RFX2: variants seen among roughly 807,000 people sequenced by gnomAD.
The protein encoded by RFX2 is DNA-binding protein RFX2.
RFX2 carries 20 observed loss-of-function variants against 87.8 expected under a neutral mutation model. That is an observed-to-expected ratio of 0.23 (90% CI 0.16 to 0.33). RFX2 has a LOEUF of 0.33. Ranked by LOEUF, RFX2 falls within the 10% of genes least tolerant of loss-of-function variation. The probability of loss-of-function intolerance (pLI) is 1.00; values close to 1 mark genes in which losing one functional copy is unlikely to be tolerated. For missense variants in RFX2, 767 were observed against 1,012.3 expected (o/e 0.76, Z 3.29); for synonymous variants, 397 against 431.3 (o/e 0.92, Z 0.98).
chr19:6,070,173 G>A (rs1299240473), intron 1 of RFX2, among the ~76,000 whole-genome samples: 1 of 50 alleles, frequency 0.02, no homozygotes, highest in Non-Finnish European at 0.062. Flanking sequence ...GGATGTGAAT[G>A]GGATGGGATG....
At chr19:6,109,756 G>T (rs2088275970) in intron 1 of RFX2, among the ~76,000 whole-genome samples, 1 of 151,852 alleles carries the variant, frequency 6.6e-6, no homozygotes. Context: ...TAAAAGAGGG[G>T]TCCCCGGGTG....
chr19:6,082,696 G>A (rs2087802601), intron 1 of RFX2, among the ~76,000 whole-genome samples: 1 of 152,174 alleles, frequency 6.6e-6, no homozygotes, highest in African/African-American at 2.4e-5. Context: ...GCCTCCCAAA[G>A]TGTTGGGATT....
rs1041175520 is a variant in RFX2, at chr19:6,017,887, C to T, written c.598-1616G>A. Among the ~76,000 whole-genome samples, 2 of 144,880 alleles carry T rather than the reference C, an allele frequency of 1.4e-5. No homozygotes were observed. Among genetic ancestry groups the T allele is most frequent in the African/African-American group, 5.0e-5 (2 of 40,204 alleles). Reference sequence around the variant, plus strand: ...GCGTACCCATGGCACCCCCCCGCCCCACTGTCACGTTTGCCTGTCTGTTTG... The same window carrying T: ...GCGTACCCATGGCACCCCCCCGCCCTACTGTCACGTTTGCCTGTCTGTTTG... On this transcript the variant is annotated intron_variant, in intron 6 of 17. Transcript: ENST00000303657. The surrounding 1 kb of genome is among the most constrained non-coding windows in gnomAD (Gnocchi z 4.1).
Position 6,002,906 on chromosome 19 carries a change from A to G in RFX2, c.1501-36T>C, listed in dbSNP as rs28421560. 402,407 of 1,577,060 alleles carry G rather than the reference A, an allele frequency of 0.26. 52,847 individuals are homozygous for G. The highest frequency in any genetic ancestry group is 0.34 in the Middle Eastern group (1,861 of 5,402). On this transcript the variant is annotated intron_variant, in intron 13 of 17. Coordinates refer to ENST00000303657, the MANE Select transcript of RFX2 (RefSeq NM_000635.4). The surrounding 1 kb of genome is among the most constrained non-coding windows in gnomAD (Gnocchi z 6.7). The stretch of plus-strand genomic sequence containing the variant: ...GGGCTCGTGGTGAGCAGGGGTTCGC[A>G]GGGAGAGCCTGTTCCGCTGCGCTCC...
chr19:6,042,106 G>A lies in RFX2; in HGVS notation c.198C>T (p.His66=), dbSNP rs1233358055. 2.5e-6 allele frequency: 4 copies of A among 1,613,766 alleles called. No individual in the cohort carries two copies. Among genetic ancestry groups the A allele is most frequent in the African/African-American group, 2.7e-5 (2 of 74,922 alleles). ...QVPQQVQPVQ[H]VYPAQVQYVE... is the part of the protein sequence containing the mutation. ...CGTACTGCACCTGGGCAGGATACAC[G>A]TGCTGCACCGGCTGCACCTGAAACA... Residue 66 remains histidine (H), a synonymous_variant, in exon 4 of 18, where the codon CAC becomes CAT. Transcript: ENST00000303657.
At chr19:6,030,249 A>C (rs1298801450) in intron 5 of RFX2, among the ~76,000 whole-genome samples, 2 of 152,240 alleles carry the variant, frequency 1.3e-5, no homozygotes, top group African/African-American at 4.8e-5. Flanking sequence ...TCCTAGAAGC[A>C]GTAGGAGAGA....
intron 1 of RFX2, among the ~76,000 whole-genome samples, chr19:6,055,131 C>T (rs1395619230): frequency 6.6e-6 from 1 of 152,116 alleles, no homozygotes; most frequent in Non-Finnish European, 1.5e-5. Context: ...TAGGGAAATG[C>T]AAATTCAAAC....
chr19:6,105,008 C>T (rs1199311611), intron 1 of RFX2, among the ~76,000 whole-genome samples: 1 of 151,660 alleles, frequency 6.6e-6, no homozygotes, highest in Non-Finnish European at 1.5e-5. Flanking sequence ...ATCCCAGCTA[C>T]TCAGGAGGCT....
chr19:6,071,589 A>G (rs1599904639), intron 1 of RFX2, among the ~76,000 whole-genome samples: 1 of 152,222 alleles, frequency 6.6e-6, no homozygotes, highest in East Asian at 1.9e-4. Context: ...AATGAGAACG[A>G]CAAAAGGACA....
chr19:6,038,328 GAAAAA>G (rs55857624), intron 5 of RFX2, among the ~76,000 whole-genome samples: 4 of 61,100 alleles, frequency 6.5e-5, no homozygotes, highest in Non-Finnish European at 8.4e-5. Flanking sequence ...CTCCGTCTCA[GAAAAA>G]AAAAAAAAAA....
Position 6,011,404 on chromosome 19 carries a change from G to A in RFX2, c.900-1153C>T, listed in dbSNP as rs1274967854. Among the ~76,000 whole-genome samples, 1 of 152,160 alleles carries A rather than the reference G, an allele frequency of 6.6e-6. No individual in the cohort carries two copies. Among genetic ancestry groups the A allele is most frequent in the African/African-American group, 2.4e-5 (1 of 41,418 alleles). ...GGACCTCCCTCCTCAAATACGAAGC[G>A]GGGCCAGGCCTACAGGGAGGCGGGA... On this transcript the variant is annotated intron_variant, in intron 8 of 17. Transcript: ENST00000303657. This position sits in a 1 kb window ranked among gnomAD's most constrained non-coding sequence, Gnocchi z 4.8.
In RFX2 at chr19:6,004,410, G is replaced by T; in HGVS notation, c.1403-112C>A. On this transcript the variant is annotated intron_variant, in intron 12 of 17. Coordinates refer to ENST00000303657, the MANE Select transcript of RFX2 (RefSeq NM_000635.4). This position sits in a 1 kb window ranked among gnomAD's most constrained non-coding sequence, Gnocchi z 4.8. ...GTGCGATGAAAATGACCACCATGAA[G>T]AACGAGCCACACAGGCGACGGGGAA... 1 of 879,210 alleles carries T rather than the reference G, an allele frequency of 1.1e-6. No homozygotes were observed. The highest frequency in any genetic ancestry group is 1.9e-6 in the Non-Finnish European group (1 of 526,754). The allele number at this position is 879,210 out of a possible 1,614,324, so 54.5% of individuals were successfully genotyped here.
Position 6,018,245 on chromosome 19 carries a change from C to T in RFX2, c.598-1974G>A, listed in dbSNP as rs74995244. ...TTGGCCTCCCAAAGTGCTGGGATTA[C>T]AGGCGTGAGCCACCGCGCCCGGCCT... On this transcript the variant is annotated intron_variant, in intron 6 of 17. Transcript: ENST00000303657. 4.4e-3 allele frequency among the ~76,000 whole-genome samples: 667 copies of T among 152,340 alleles called. 7 individuals are homozygous for T. The East Asian group carries it at 0.071, about 16-fold the overall frequency.
rs915080063 is a variant in RFX2, at chr19:6,024,912, G to C, written c.597+1251C>G. Among the ~76,000 whole-genome samples, 1 of 149,784 alleles carries C rather than the reference G, an allele frequency of 6.7e-6. No individual in the cohort carries two copies. Among genetic ancestry groups the C allele is most frequent in the Non-Finnish European group, 1.5e-5 (1 of 67,444 alleles). On this transcript the variant is annotated intron_variant, in intron 6 of 17. Transcript: ENST00000303657. The surrounding 1 kb of genome is among the most constrained non-coding windows in gnomAD (Gnocchi z 5.0). ...CACGGTGAGGACGGGAGTCAGGACGGGATCACGGTGAGGACGGGAGTCAGG... is the reference window on the plus strand; with the variant it reads ...CACGGTGAGGACGGGAGTCAGGACGCGATCACGGTGAGGACGGGAGTCAGG...
In RFX2 at chr19:6,074,074, C is replaced by T. The variant is rs564035198; in HGVS notation, c.-8-26570G>A. On this transcript the variant is annotated intron_variant, in intron 1 of 17. Coordinates refer to ENST00000303657, the MANE Select transcript of RFX2 (RefSeq NM_000635.4). The surrounding 1 kb of genome is among the most constrained non-coding windows in gnomAD (Gnocchi z 5.2). Reference sequence around the variant, plus strand: ...GTTCTGCCCCAGCTGAGGTTCTGGGCCTCATCACTAATGACCCACAGCAGC... The same window carrying T: ...GTTCTGCCCCAGCTGAGGTTCTGGGTCTCATCACTAATGACCCACAGCAGC... 2.0e-5 allele frequency among the ~76,000 whole-genome samples: 3 copies of T among 152,296 alleles called. No homozygotes were observed. In the East Asian group the frequency reaches 5.8e-4, roughly 29 times the overall value.
Position 6,063,376 on chromosome 19 carries a change from G to A in RFX2, c.-8-15872C>T, listed in dbSNP as rs1249672749. ...GCATGGCACACAGCGGTCCAGACTC[G>A]CAGTGACAAGGTGGCTGCAGTGCAT... On this transcript the variant is annotated intron_variant, in intron 1 of 17. Coordinates refer to ENST00000303657, the MANE Select transcript of RFX2 (RefSeq NM_000635.4). This position sits in a 1 kb window ranked among gnomAD's most constrained non-coding sequence, Gnocchi z 4.0. Among the ~76,000 whole-genome samples the A allele has an allele frequency of 1.3e-5, 2 of 152,198 alleles. No homozygotes were observed. Among genetic ancestry groups the A allele is most frequent in the South Asian group, 2.1e-4 (1 of 4,826 alleles).
chr19:6,067,633 A>G (rs1324773648), intron 1 of RFX2, among the ~76,000 whole-genome samples: 2 of 152,228 alleles, frequency 1.3e-5, no homozygotes, highest in Non-Finnish European at 2.9e-5. Context: ...CAGGCTGAGC[A>G]TGGCTTCTCT....
Position 5,995,623 on chromosome 19 carries a change from C to G in RFX2, c.2034G>C (p.Leu678=), listed in dbSNP as rs1568494902. ...VMGEFNDLAS[L]SLTLLDKDDM... The stretch of plus-strand genomic sequence containing the variant: ...TACCTTTGTCGAGCAGCGTCAGCGA[C>G]AGAGAGGCGAGATCGTTGAACTGAA... The change falls in exon 17 of 18, where the codon CTG becomes CTC. Residue 678 remains leucine (L), a synonymous_variant. Coordinates refer to ENST00000303657, the MANE Select transcript of RFX2 (RefSeq NM_000635.4). 4 of 1,552,576 alleles carry G rather than the reference C, an allele frequency of 2.6e-6. No homozygotes were observed. Among genetic ancestry groups the G allele is most frequent in the Admixed American group, 2.0e-5 (1 of 51,144 alleles).
intron 7 of RFX2, among the ~76,000 whole-genome samples, chr19:6,014,427 C>T (rs1488429019): frequency 6.6e-6 from 1 of 151,992 alleles, no homozygotes; most frequent in Admixed American, 6.6e-5. Flanking sequence ...TTAGTAGGGA[C>T]GGGGATTCAC....
Sources: allele counts gnomAD v4.1 joint callset (sites outside exome capture counted in the v4.1 genomes callset), GRCh38; gene constraint gnomAD v4.1.1; non-coding constraint Gnocchi (gnomAD v3.1); transcripts MANE v1.5; gene names NCBI Gene and HGNC (gene_info 2026-07-23, HGNC 2026-07-21).